The following DCDC1 variants were observed in gnomAD, a reference collection of about 807,000 sequenced individuals.
DCDC1 encodes the protein doublecortin domain containing 1, also known as doublecortin domain-containing protein 1.
Under a neutral mutation model 178.3 loss-of-function variants are expected in DCDC1, and 200 were observed. That is an observed-to-expected ratio of 1.12 (90% CI 1.00 to 1.26). The LOEUF (loss-of-function observed/expected upper bound fraction) is 1.26, where lower values mean the gene tolerates loss of function less well. Ranked by LOEUF, DCDC1 falls within the 50% of genes most tolerant of loss-of-function variation. The pLI, the probability that DCDC1 is intolerant of heterozygous loss-of-function variation, is 0.00. For missense variants in DCDC1, 1,983 were observed against 1,749.2 expected (o/e 1.13, Z -2.38); for synonymous variants, 690 against 604.8 (o/e 1.14, Z -2.07).
chr11:31,345,755 T>C (rs1950782985), intron 1 of DCDC1, among the ~76,000 whole-genome samples: 1 of 152,170 alleles, frequency 6.6e-6, no homozygotes, highest in South Asian at 2.1e-4. Context: ...TTTCCTGAGT[T>C]GGCTATAATT....
intron 20 of DCDC1, 40 bp downstream of exon 20, chr11:31,064,429 T>C (rs749342968): frequency 1.2e-5 from 8 of 685,222 alleles, no homozygotes; most frequent in Non-Finnish European, 1.3e-5. Context: ...AAATATCGAA[T>C]GTCATTGAGC....
At chr11:31,345,498 T>G (rs533519426) in intron 1 of DCDC1, among the ~76,000 whole-genome samples, 1 of 152,150 alleles carries the variant, frequency 6.6e-6, no homozygotes, top group South Asian at 2.1e-4. Context: ...AGAGCTCTAC[T>G]ACACACTCTT....
intron 1 of DCDC1, among the ~76,000 whole-genome samples, chr11:31,369,084 G>C (rs1350865966): frequency 2.0e-5 from 3 of 152,110 alleles, no homozygotes; most frequent in Admixed American, 6.5e-5. Context: ...TAGCTGCCCT[G>C]GGAATGTGTA....
chr11:31,160,841 G>A (rs1157011546), intron 9 of DCDC1, among the ~76,000 whole-genome samples: 1 of 152,084 alleles, frequency 6.6e-6, no homozygotes, highest in Non-Finnish European at 1.5e-5. Context: ...ATTTCCTTAT[G>A]CTCTTGAATT....
chr11:31,226,055 C>T (rs1038636222), intron 9 of DCDC1, among the ~76,000 whole-genome samples: 6 of 151,924 alleles, frequency 3.9e-5, no homozygotes, highest in Non-Finnish European at 5.9e-5. Context: ...ACTTAAGGAA[C>T]CACGCTGAGG....
chr11:31,137,437 C>G lies in DCDC1; in HGVS notation c.1314+255G>C, dbSNP rs535389392. ...CAATCTCTGCTCACTGCAACCTCTG[C>G]CTCCCGGGTTCAAGCGATTCTCCTG... On this transcript the variant is annotated intron_variant, in intron 10 of 38. Transcript: ENST00000684477. Among the ~76,000 whole-genome samples, 484 of 151,336 alleles carry G rather than the reference C, an allele frequency of 3.2e-3. 3 individuals carry two copies. Among genetic ancestry groups the G allele is most frequent in the African/African-American group, 0.011 (463 of 41,160 alleles).
intron 9 of DCDC1, among the ~76,000 whole-genome samples, chr11:31,206,508 G>A (rs1971882302): frequency 6.6e-6 from 1 of 152,158 alleles, no homozygotes. Context: ...CCGCCTCCCA[G>A]GCTCAAGTGA....
intron 11 of DCDC1, among the ~76,000 whole-genome samples, chr11:31,116,600 C>T (rs1960001580): frequency 6.6e-6 from 1 of 151,830 alleles, no homozygotes; most frequent in Admixed American, 6.6e-5. Context: ...AAACAGTAAA[C>T]TTGTCTAATT....
chr11:31,238,917 G>A (rs1479840031), intron 9 of DCDC1, among the ~76,000 whole-genome samples: 1 of 152,054 alleles, frequency 6.6e-6, no homozygotes, highest in African/African-American at 2.4e-5. Flanking sequence ...TAACAGCCAA[G>A]CTAAAGTTAA....
chr11:31,005,196 C>T (rs1951771491), intron 20 of DCDC1, among the ~76,000 whole-genome samples: 1 of 152,162 alleles, frequency 6.6e-6, no homozygotes, highest in Non-Finnish European at 1.5e-5. Flanking sequence ...CACATGTTCT[C>T]CTTTCTCATC....
chr11:31,336,589 T>C (rs548607969), intron 1 of DCDC1, among the ~76,000 whole-genome samples: 1 of 152,358 alleles, frequency 6.6e-6, no homozygotes, highest in South Asian at 2.1e-4. Context: ...AATAATTGTA[T>C]TGCAATGTCC....
At chr11:31,207,083 T>G (rs1040073053) in intron 9 of DCDC1, among the ~76,000 whole-genome samples, 2 of 152,190 alleles carry the variant, frequency 1.3e-5, no homozygotes, top group Non-Finnish European at 2.9e-5. Flanking sequence ...AAAGCCAGTA[T>G]AGTATGACAT....
At chr11:30,917,097 G>T in intron 25 of DCDC1, 69 bp from the exon 26 acceptor site, 6 of 1,455,808 alleles carry the variant, frequency 4.1e-6, no homozygotes, top group Non-Finnish European at 5.5e-6. Context: ...TTTTTCTGAG[G>T]TGTAGTCTGA....
intron 18 of DCDC1, among the ~76,000 whole-genome samples, chr11:31,070,715 G>T (rs1956506962): frequency 6.6e-6 from 1 of 152,136 alleles, no homozygotes; most frequent in Non-Finnish European, 1.5e-5. Context: ...GTAACTCTCT[G>T]TTGCTAAACA....
intron 20 of DCDC1, among the ~76,000 whole-genome samples, chr11:31,010,956 T>C (rs1952131229): frequency 6.6e-6 from 1 of 152,164 alleles, no homozygotes; most frequent in South Asian, 2.1e-4. Context: ...GAAATGTTTG[T>C]TATATTTTTT....
chr11:31,159,853 T>C (rs1966130549), intron 9 of DCDC1, among the ~76,000 whole-genome samples: 1 of 152,208 alleles, frequency 6.6e-6, no homozygotes, highest in African/African-American at 2.4e-5. Context: ...TCCTTGTGTT[T>C]TGTACCATTT....
intron 11 of DCDC1, among the ~76,000 whole-genome samples, chr11:31,119,685 T>A (rs546071307): frequency 6.5e-4 from 99 of 152,326 alleles, no homozygotes; most frequent in African/African-American, 1.8e-3. Context: ...TAAACTTTTT[T>A]AAAAATGACC....
chr11:30,934,616 C>T (rs182441471), intron 21 of DCDC1, among the ~76,000 whole-genome samples: 58 of 152,264 alleles, frequency 3.8e-4, no homozygotes, highest in African/African-American at 1.3e-3. Context: ...ACCTCTGCAA[C>T]GTGGGAAAGA....
At chr11:31,180,097 T>A (rs1270683546) in intron 9 of DCDC1, among the ~76,000 whole-genome samples, 1 of 151,794 alleles carries the variant, frequency 6.6e-6, no homozygotes, top group Non-Finnish European at 1.5e-5. Flanking sequence ...TGATAAAAAC[T>A]CCCAACAAAC....
Sources: allele counts gnomAD v4.1 joint callset (sites outside exome capture counted in the v4.1 genomes callset), GRCh38; gene constraint gnomAD v4.1.1; transcripts MANE v1.5; gene names NCBI Gene and HGNC (gene_info 2026-07-23, HGNC 2026-07-21).